PPFIA2: variants seen among roughly 807,000 people sequenced by gnomAD.
PPFIA2 encodes PPFI scaffold protein A2, also known as liprin-alpha-2.
PPFIA2 carries 46 observed loss-of-function variants against 175.5 expected under a neutral mutation model. The ratio of observed to expected loss-of-function variants is 0.26; its 90% CI spans 0.21 to 0.34. The LOEUF is 0.34. Ranked by LOEUF, PPFIA2 falls within the 10% of genes least tolerant of loss-of-function variation. The probability of loss-of-function intolerance (pLI) is 1.00; values close to 1 mark genes in which losing one functional copy is unlikely to be tolerated. For missense variants in PPFIA2, 1,179 were observed against 1,506.1 expected (o/e 0.78, Z 3.60); for synonymous variants, 568 against 511.4 (o/e 1.11, Z -1.49).
At chr12:81,698,139 G>A (rs1310469799) in intron 3 of PPFIA2, among the ~76,000 whole-genome samples, 1 of 152,104 alleles carries the variant, frequency 6.6e-6, no homozygotes, top group Non-Finnish European at 1.5e-5. Flanking sequence ...TAGGCCAGGA[G>A]TTGAAAAACT....
chr12:81,277,675 T>C (rs371935319), intron 27 of PPFIA2, among the ~76,000 whole-genome samples: 2 of 152,336 alleles, frequency 1.3e-5, no homozygotes, highest in African/African-American at 4.8e-5. Context: ...ATATTGTTCA[T>C]CTATGTGTCT....
chr12:81,573,191 C>CTA (rs1330180350), intron 4 of PPFIA2, among the ~76,000 whole-genome samples: 1 of 151,920 alleles, frequency 6.6e-6, no homozygotes, highest in Non-Finnish European at 1.5e-5. Flanking sequence ...TGTGTACTTT[C>CTA]TATAAGCTCT....
At chr12:81,425,906 T>TA (rs1404084252) in intron 7 of PPFIA2, among the ~76,000 whole-genome samples, 3 of 152,166 alleles carry the variant, frequency 2.0e-5, no homozygotes, top group Admixed American at 6.5e-5. Context: ...AATATTCAAT[T>TA]AAAAAAATTA....
chr12:81,573,286 A>C (rs943486603), intron 4 of PPFIA2, among the ~76,000 whole-genome samples: 1 of 151,888 alleles, frequency 6.6e-6, no homozygotes, highest in Non-Finnish European at 1.5e-5. Context: ...TATTTTTTTA[A>C]ATTAATGATA....
At position 81,600,813 on chromosome 12, in the gene PPFIA2, C is replaced by T. The variant is rs561210904; in HGVS notation, c.303+75978G>A. ...AAACAGAAACCTCAAGGTTTAAGAG[C>T]GAAGTTTTAAGAAAAAAGAATGTTT... On this transcript the variant is annotated intron_variant, in intron 4 of 32. Transcript: ENST00000549396. Among the ~76,000 whole-genome samples, 126 of 151,950 alleles carry T rather than the reference C, an allele frequency of 8.3e-4. 5 individuals are homozygous for T. The South Asian group carries it at 0.024, about 29-fold the overall frequency.
intron 3 of PPFIA2, among the ~76,000 whole-genome samples, chr12:81,718,467 A>T (rs1447452537): frequency 1.3e-5 from 2 of 151,598 alleles, no homozygotes; most frequent in Non-Finnish European, 3.0e-5. Flanking sequence ...GACAGATTAC[A>T]TAGGGCCTTG....
In PPFIA2 at chr12:81,702,880, G is replaced by A. The variant is rs181787515; in HGVS notation, c.250-26036C>T. 1.7e-3 allele frequency among the ~76,000 whole-genome samples: 258 copies of A among 152,196 alleles called. 2 individuals carry two copies. Among genetic ancestry groups the A allele is most frequent in the African/African-American group, 5.7e-3 (237 of 41,540 alleles). ...GGCACTGGAGCTTCTTCCCTCCCCC[G>A]TGTGAGGACACACCAAGAAGGCAAC... On this transcript the variant is annotated intron_variant, in intron 3 of 32. Coordinates refer to ENST00000549396, the MANE Select transcript of PPFIA2 (RefSeq NM_003625.5).
At chr12:81,291,511 T>C (rs1334698732) in intron 24 of PPFIA2, among the ~76,000 whole-genome samples, 1 of 151,992 alleles carries the variant, frequency 6.6e-6, no homozygotes, top group African/African-American at 2.4e-5. Flanking sequence ...ATATGAAATA[T>C]GTGGGTAGAG....
At position 81,604,331 on chromosome 12, in the gene PPFIA2, C is replaced by A. The variant is rs906157075; in HGVS notation, c.303+72460G>T. 3.3e-5 allele frequency among the ~76,000 whole-genome samples: 5 copies of A among 151,616 alleles called. No homozygotes were observed. In the South Asian group the frequency reaches 1.0e-3, roughly 31 times the overall value. On this transcript the variant is annotated intron_variant, in intron 4 of 32. Transcript: ENST00000549396. The stretch of plus-strand genomic sequence containing the variant: ...TGTGCTAGGTGTGTATTTGTATTTA[C>A]AAACAGTTTTTTCAAGTAAAATTAG...
At chr12:81,544,719 A>G (rs186873773) in intron 4 of PPFIA2, among the ~76,000 whole-genome samples, 20 of 152,186 alleles carry the variant, frequency 1.3e-4, no homozygotes, top group African/African-American at 4.6e-4. Flanking sequence ...GGAACTGATG[A>G]AATATAGAGG....
chr12:81,347,441 T>G, intron 18 of PPFIA2, 92 bp downstream of exon 18: 1 of 1,046,350 alleles, frequency 9.6e-7, no homozygotes, highest in Non-Finnish European at 1.5e-6. Flanking sequence ...ACACAGAAAG[T>G]ACTTAGACTA....
intron 4 of PPFIA2, among the ~76,000 whole-genome samples, chr12:81,507,306 G>T: frequency 6.6e-6 from 1 of 151,792 alleles, no homozygotes; most frequent in Non-Finnish European, 1.5e-5. Context: ...TTCTTTTCTT[G>T]TTGGTTTTAT....
intron 4 of PPFIA2, among the ~76,000 whole-genome samples, chr12:81,555,599 A>C (rs988216006): frequency 5.9e-5 from 9 of 152,012 alleles, no homozygotes; most frequent in African/African-American, 1.9e-4. Flanking sequence ...ATTTAGTCAT[A>C]GGTTTGTTTA....
chr12:81,675,889 A>C (rs1446182376), intron 4 of PPFIA2, among the ~76,000 whole-genome samples: 1 of 152,070 alleles, frequency 6.6e-6, no homozygotes, highest in Non-Finnish European at 1.5e-5. Context: ...ACTATAATAC[A>C]TTTTTTAGCC....
Position 81,369,104 on chromosome 12 carries a change from T to C in PPFIA2, c.1350+7A>G, listed in dbSNP as rs766248333. Reference sequence around the variant, plus strand: ...GATTGGGGGGTAATAGTTCTTAATATACATACTCTTTGAAGTTCTTGATTC... The same window carrying C: ...GATTGGGGGGTAATAGTTCTTAATACACATACTCTTTGAAGTTCTTGATTC... On this transcript the variant is annotated splice_region_variant and intron_variant, in intron 12 of 32. Coordinates refer to ENST00000549396, the MANE Select transcript of PPFIA2 (RefSeq NM_003625.5). 1.9e-6 allele frequency: 3 copies of C among 1,584,784 alleles called. No homozygotes were observed. The highest frequency in any genetic ancestry group is 2.6e-6 in the Non-Finnish European group (3 of 1,156,422).
chr12:81,582,094 TAA>T (rs2074505265), intron 4 of PPFIA2, among the ~76,000 whole-genome samples: 1 of 151,918 alleles, frequency 6.6e-6, no homozygotes, highest in Non-Finnish European at 1.5e-5. Flanking sequence ...GAGATTTGAC[TAA>T]GATTCCATTT....
chr12:81,434,992 T>C (rs1162167172), intron 7 of PPFIA2, among the ~76,000 whole-genome samples: 1 of 152,150 alleles, frequency 6.6e-6, no homozygotes, highest in Non-Finnish European at 1.5e-5. Context: ...TTGAAAAATA[T>C]TGAGATTATT....
At chr12:81,407,498 A>AAAATG (rs2043151531) in intron 7 of PPFIA2, among the ~76,000 whole-genome samples, 1 of 150,654 alleles carries the variant, frequency 6.6e-6, no homozygotes. Flanking sequence ...AAAATAAAAT[A>AAAATG]AAATAAAATA....
At chr12:81,514,592 T>C (rs1259998521) in intron 4 of PPFIA2, among the ~76,000 whole-genome samples, 1 of 152,028 alleles carries the variant, frequency 6.6e-6, no homozygotes, top group East Asian at 1.9e-4. Context: ...GCAAGTAAAC[T>C]CACTTACTAA....
Sources: allele counts gnomAD v4.1 joint callset (sites outside exome capture counted in the v4.1 genomes callset), GRCh38; gene constraint gnomAD v4.1.1; transcripts MANE v1.5; gene names NCBI Gene and HGNC (gene_info 2026-07-23, HGNC 2026-07-21).